Variants in PCBP3 observed in about 807,000 individuals in gnomAD.
PCBP3 encodes poly(rC)-binding protein 3.
Under a neutral mutation model 52.7 loss-of-function variants are expected in PCBP3, and 25 were observed. The ratio of observed to expected loss-of-function variants is 0.47; its 90% CI spans 0.35 to 0.66. PCBP3 has a LOEUF of 0.66. PCBP3 is among the 30% of genes least tolerant of loss of function. PCBP3 has a pLI of 0.01. For missense variants in PCBP3, 391 were observed against 490.3 expected, an observed-to-expected ratio of 0.80 and a Z score of 1.91; for synonymous variants, 162 against 183.0, an observed-to-expected ratio of 0.89 and a Z score of 0.93.
chr21:45,855,471 G>A (rs2094245370), intron 5 of PCBP3, among the ~76,000 whole-genome samples: 1 of 152,194 alleles, frequency 6.6e-6, no homozygotes, highest in African/African-American at 2.4e-5. Flanking sequence ...ACAGAGGGGG[G>A]CATGCGTGGG....
chr21:45,808,833 T>C (rs551427641), intron 4 of PCBP3, among the ~76,000 whole-genome samples: 2 of 152,274 alleles, frequency 1.3e-5, no homozygotes, highest in South Asian at 4.2e-4. Flanking sequence ...ACGTGGCACA[T>C]ATATACCACG....
chr21:45,731,275 A>G (rs1271333062), intron 2 of PCBP3, among the ~76,000 whole-genome samples: 1 of 152,224 alleles, frequency 6.6e-6, no homozygotes, highest in African/African-American at 2.4e-5. Context: ...TGCAGCAAGT[A>G]AGGAGGACAC....
intron 4 of PCBP3, among the ~76,000 whole-genome samples, chr21:45,775,946 GTCTGCTT>G (rs1021553555): frequency 6.6e-6 from 1 of 152,094 alleles, no homozygotes; most frequent in African/African-American, 2.4e-5. Flanking sequence ...TTTGTAAGCT[GTCTGCTT>G]TTTTCAGGTA....
chr21:45,663,183 C>G (rs2147113882), intron 1 of PCBP3, among the ~76,000 whole-genome samples: 1 of 148,574 alleles, frequency 6.7e-6, no homozygotes, highest in East Asian at 2.0e-4. Flanking sequence ...CTCTCTCTCT[C>G]CACCTTGGCT....
At chr21:45,711,781 C>T (rs192083265) in intron 2 of PCBP3, among the ~76,000 whole-genome samples, 59 of 152,242 alleles carry the variant, frequency 3.9e-4, no homozygotes, top group African/African-American at 1.3e-3. Context: ...TCCTAAATGA[C>T]GTTTTAAAAT....
chr21:45,748,779 G>A (rs9977908), intron 3 of PCBP3, among the ~76,000 whole-genome samples: 24,986 of 152,188 alleles, frequency 0.16, 2,171 homozygotes, highest in Middle Eastern at 0.31. Flanking sequence ...CACAAGTCAC[G>A]GGAAGAGAAG....
At chr21:45,922,975 T>C (rs896226327) in intron 13 of PCBP3, among the ~76,000 whole-genome samples, 10 of 123,318 alleles carry the variant, frequency 8.1e-5, no homozygotes, top group Admixed American at 7.6e-4. Flanking sequence ...TGTAGAAATG[T>C]GTCGTTGTAA....
intron 4 of PCBP3, among the ~76,000 whole-genome samples, chr21:45,797,443 C>CCATAGAGTGAATGCATGGATGGACAAGTG (rs2091987306): frequency 6.5e-4 from 1 of 1,542 alleles, no homozygotes; most frequent in African/African-American, 2.4e-3. Context: ...GTGCATGGAT[C>CCATAGAGTGAATGCATGGATGGACAAGTG]CACAGAGAGT....
At chr21:45,891,450 T>A (rs1159934916) in intron 5 of PCBP3, among the ~76,000 whole-genome samples, 1 of 152,226 alleles carries the variant, frequency 6.6e-6, no homozygotes, top group East Asian at 1.9e-4. Context: ...CGTGGATACA[T>A]CTTCTATAAA....
At chr21:45,895,922 T>G (rs947216101) in intron 5 of PCBP3, among the ~76,000 whole-genome samples, 3 of 152,236 alleles carry the variant, frequency 2.0e-5, no homozygotes, top group African/African-American at 7.2e-5. Flanking sequence ...AGAGAGGTGC[T>G]TCCGTGACCC....
intron 17 of PCBP3, among the ~76,000 whole-genome samples, chr21:45,940,400 ACT>A (rs1442920420): frequency 6.6e-6 from 1 of 151,596 alleles, no homozygotes; most frequent in Admixed American, 6.6e-5. Flanking sequence ...GGGCCACCTC[ACT>A]CTCCCGACCT....
intron 13 of PCBP3, among the ~76,000 whole-genome samples, chr21:45,923,060 G>A (rs184699003): frequency 2.0e-5 from 3 of 152,364 alleles, no homozygotes; most frequent in Non-Finnish European, 2.9e-5. Context: ...TGCAATCCCC[G>A]GGACTCTGTC....
chr21:45,662,881 G>A (rs765567319), intron 1 of PCBP3, among the ~76,000 whole-genome samples: 8 of 152,070 alleles, frequency 5.3e-5, no homozygotes, highest in Non-Finnish European at 7.4e-5. Flanking sequence ...AAAAGCACCC[G>A]CTACTTAGCA....
At chr21:45,744,872 T>C (rs1395051616) in intron 3 of PCBP3, among the ~76,000 whole-genome samples, 1 of 152,240 alleles carries the variant, frequency 6.6e-6, no homozygotes, top group Non-Finnish European at 1.5e-5. Context: ...TAGTCCTGTC[T>C]AGGAGGACTA....
chr21:45,730,961 G>GT (rs538315619), intron 2 of PCBP3, among the ~76,000 whole-genome samples: 4 of 151,808 alleles, frequency 2.6e-5, no homozygotes, highest in Non-Finnish European at 4.4e-5. Context: ...GCGTGGTCTT[G>GT]TTTTTTTATC....
intron 2 of PCBP3, among the ~76,000 whole-genome samples, chr21:45,685,340 A>C (rs1202913073): frequency 6.6e-6 from 1 of 152,194 alleles, no homozygotes; most frequent in African/African-American, 2.4e-5. Context: ...ATAGTTGCAC[A>C]AAAGTGTGAA....
intron 9 of PCBP3, chr21:45,901,356 A>T: frequency 2.2e-6 from 1 of 452,000 alleles, no homozygotes; most frequent in Non-Finnish European, 4.1e-6. Context: ...CCTTAGGTCC[A>T]CCTCCCTCAG....
At chr21:45,709,659 C>T (rs573400137) in intron 2 of PCBP3, among the ~76,000 whole-genome samples, 1 of 152,206 alleles carries the variant, frequency 6.6e-6, no homozygotes, top group East Asian at 1.9e-4. Context: ...TTTGTAAACC[C>T]CACATCCAGT....
intron 1 of PCBP3, among the ~76,000 whole-genome samples, chr21:45,653,382 T>G (rs2079810864): frequency 6.6e-6 from 1 of 152,188 alleles, no homozygotes; most frequent in African/African-American, 2.4e-5. Flanking sequence ...TGCCAGTTTT[T>G]ATGTATAAAT....
Sources: allele counts gnomAD v4.1 joint callset (sites outside exome capture counted in the v4.1 genomes callset), GRCh38; gene constraint gnomAD v4.1.1; transcripts MANE v1.5; gene names NCBI Gene and HGNC (gene_info 2026-07-23, HGNC 2026-07-21).